The following BRINP2 variants were observed in gnomAD, a reference collection of about 807,000 sequenced individuals.
The protein encoded by BRINP2 is BMP/retinoic acid inducible neural specific 2.
Under a neutral mutation model 69.2 loss-of-function variants are expected in BRINP2, and 21 were observed. The ratio of observed to expected loss-of-function variants is 0.30; its 90% CI spans 0.22 to 0.44. The LOEUF is 0.44. BRINP2 is among the 20% of genes least tolerant of loss of function. The pLI, the probability that BRINP2 is intolerant of heterozygous loss-of-function variation, is 1.00. For missense variants in BRINP2, 877 were observed against 986.0 expected (o/e 0.89, Z 1.48); for synonymous variants, 380 against 394.1 (o/e 0.96, Z 0.42).
At chr1:177,172,715 G>A (rs745365166) in intron 1 of BRINP2, among the ~76,000 whole-genome samples, 2 of 152,164 alleles carry the variant, frequency 1.3e-5, no homozygotes, top group Non-Finnish European at 2.9e-5. Context: ...TAATGTGATT[G>A]AACAGACCCC....
rs367769628 is a variant in BRINP2, at chr1:177,257,159, C to G, written c.461-17C>G. The G allele has an allele frequency of 2.5e-6, 4 of 1,613,016 alleles. No individual in the cohort carries two copies. The highest frequency in any genetic ancestry group is 1.1e-5 in the South Asian group (1 of 90,926). On this transcript the variant is annotated splice_polypyrimidine_tract_variant and intron_variant, in intron 3 of 7. Coordinates refer to ENST00000361539, the MANE Select transcript of BRINP2 (RefSeq NM_021165.4). The stretch of plus-strand genomic sequence containing the variant: ...GAGCAGAGAGCGTCACCAATACACT[C>G]GTGTTGTTCACCATAGGAGAAGAGT...
rs1649824051 is a variant in BRINP2, at chr1:177,230,148, A to G, written c.269+3A>G. 1 of 1,593,290 alleles carries G rather than the reference A, an allele frequency of 6.3e-7. No homozygotes were observed. The highest frequency in any genetic ancestry group is 1.7e-5 in the Admixed American group (1 of 58,782). ...ACCACCAGGTACAGGATTTATAGGT[A>G]AGTGGGGGCCTCCACTGAGACAGGG... On this transcript the variant is annotated splice_donor_region_variant and intron_variant, in intron 2 of 7. Transcript: ENST00000361539.
At chr1:177,214,456 T>C (rs1413918798) in intron 1 of BRINP2, among the ~76,000 whole-genome samples, 1 of 152,024 alleles carries the variant, frequency 6.6e-6, no homozygotes, top group Non-Finnish European at 1.5e-5. Context: ...TAAAGAGGAA[T>C]ACAACAAACA....
chr1:177,210,103 T>C (rs1199932675), intron 1 of BRINP2, among the ~76,000 whole-genome samples: 1 of 152,238 alleles, frequency 6.6e-6, no homozygotes, highest in Admixed American at 6.5e-5. Flanking sequence ...GCAAATTCAC[T>C]GACTTCTCCA....
At chr1:177,212,075 A>AGAT (rs1649237698) in intron 1 of BRINP2, among the ~76,000 whole-genome samples, 1 of 96,562 alleles carries the variant, frequency 1.0e-5, no homozygotes, top group Non-Finnish European at 2.5e-5. Flanking sequence ...ACAGATAGAT[A>AGAT]GATAGATAGA....
intron 2 of BRINP2, among the ~76,000 whole-genome samples, chr1:177,254,871 A>ACCC (rs1344023545): frequency 6.6e-6 from 1 of 152,212 alleles, no homozygotes; most frequent in East Asian, 1.9e-4. Flanking sequence ...CATGATATTA[A>ACCC]ATAGTGAGAT....
chr1:177,219,620 AG>A (rs1209833183), intron 1 of BRINP2, among the ~76,000 whole-genome samples: 4 of 152,238 alleles, frequency 2.6e-5, no homozygotes, highest in African/African-American at 4.8e-5. Flanking sequence ...AGCACAGCTC[AG>A]GGCATTATCA....
intron 2 of BRINP2, among the ~76,000 whole-genome samples, chr1:177,251,866 T>C (rs983546163): frequency 1.3e-5 from 2 of 152,154 alleles, no homozygotes; most frequent in Non-Finnish European, 2.9e-5. Context: ...TAAGAAACTA[T>C]GGAAATTGTA....
In BRINP2 at chr1:177,276,331, C is replaced by A; in HGVS notation, c.909C>A (p.Phe303Leu). ...NDCWCKCSPT[F>L]PECNCPDADI... ...GCTGGTGCAAGTGCAGCCCCACCTT[C>A]CCTGAATGCAACTGCCCTGATGCTG... Residue 303 changes from phenylalanine to leucine, a missense_variant, in exon 6 of 8, where the codon TTC becomes TTA. By Grantham distance (22) the Phe-to-Leu change is conservative. Around this residue, in one of 3 missense-constraint regions of BRINP2, gnomAD observed 566 missense variants for 625.2 expected, o/e 0.91. Coordinates refer to ENST00000361539, the MANE Select transcript of BRINP2 (RefSeq NM_021165.4). The A allele has an allele frequency of 6.2e-7, 1 of 1,614,224 alleles. No homozygotes were observed.
At chr1:177,225,963 A>G (rs910208984) in intron 1 of BRINP2, among the ~76,000 whole-genome samples, 5 of 152,250 alleles carry the variant, frequency 3.3e-5, no homozygotes, top group African/African-American at 1.2e-4. Flanking sequence ...TGGCCCAGCA[A>G]TCAGAACTGT....
At chr1:177,274,269 C>G (rs1651424703) in intron 5 of BRINP2, among the ~76,000 whole-genome samples, 1 of 152,210 alleles carries the variant, frequency 6.6e-6, no homozygotes, top group South Asian at 2.1e-4. Context: ...GCTGTCTGTT[C>G]CCTGCAGGCA....
intron 1 of BRINP2, among the ~76,000 whole-genome samples, chr1:177,215,241 C>T (rs540471525): frequency 1.4e-4 from 21 of 152,260 alleles, no homozygotes; most frequent in African/African-American, 4.8e-4. Context: ...AATCTCTTCC[C>T]TTTTTAAGGC....
chr1:177,265,706 G>T lies in BRINP2; in HGVS notation c.670-7782G>T, dbSNP rs183752367. 7.2e-5 allele frequency among the ~76,000 whole-genome samples: 11 copies of T among 152,254 alleles called. No homozygotes were observed. In the East Asian group the frequency reaches 1.7e-3, roughly 24 times the overall value. ...GCTGCAACCCAAGAGTCTGAATTCTGCCATTGCTCATGGTGGGGCTTTGAA... is the reference window on the plus strand; with the variant it reads ...GCTGCAACCCAAGAGTCTGAATTCTTCCATTGCTCATGGTGGGGCTTTGAA... On this transcript the variant is annotated intron_variant, in intron 4 of 7. Transcript: ENST00000361539.
chr1:177,270,110 C>T (rs1558184742), intron 4 of BRINP2, among the ~76,000 whole-genome samples: 1 of 150,676 alleles, frequency 6.6e-6, no homozygotes, highest in African/African-American at 2.4e-5. Flanking sequence ...AGCTATTCTG[C>T]TTACTCAAGT....
At chr1:177,232,230 C>T (rs965295333) in intron 2 of BRINP2, among the ~76,000 whole-genome samples, 1 of 152,188 alleles carries the variant, frequency 6.6e-6, no homozygotes, top group Admixed American at 6.5e-5. Context: ...TCCTTATCCC[C>T]TCAGGAGAGT....
intron 1 of BRINP2, among the ~76,000 whole-genome samples, chr1:177,196,428 GCCAACATGGTGAAA>G (rs1194981707): frequency 6.6e-6 from 1 of 152,046 alleles, no homozygotes; most frequent in Non-Finnish European, 1.5e-5. Context: ...GACCAGCCTG[GCCAACATGGTGAAA>G]CCCCATCTCT....
intron 1 of BRINP2, 29 bp from the exon 2 acceptor site, chr1:177,229,772 A>C (rs1033061562): frequency 5.4e-6 from 8 of 1,469,576 alleles, no homozygotes; most frequent in Non-Finnish European, 7.3e-6. Flanking sequence ...CAGGGTGCTC[A>C]AATGACAATG....
At chr1:177,203,716 T>C (rs1648988625) in intron 1 of BRINP2, among the ~76,000 whole-genome samples, 1 of 152,160 alleles carries the variant, frequency 6.6e-6, no homozygotes, top group South Asian at 2.1e-4. Flanking sequence ...TGTTATTTAA[T>C]ATAAAAGATG....
intron 7 of BRINP2, 40 bp from the exon 8 acceptor site, chr1:177,280,372 T>A: frequency 1.3e-6 from 2 of 1,542,430 alleles, no homozygotes; most frequent in Non-Finnish European, 1.8e-6. Context: ...AGTGTGTGAC[T>A]TCTTTTGACT....
Sources: gnomAD v4.1 joint callset for allele counts (sites outside exome capture counted in the v4.1 genomes callset) on GRCh38, gnomAD v4.1.1 for gene constraint, gnomAD v4.1.1 regional missense constraint, MANE v1.5 for transcripts, NCBI Gene and HGNC (gene_info 2026-07-23, HGNC 2026-07-21) for gene names.